Variants in SSPN observed in about 807,000 individuals in gnomAD.
SSPN encodes the protein K-ras oncogene-associated protein.
SSPN carries 15 observed loss-of-function variants against 19.1 expected under a neutral mutation model. The ratio of observed to expected loss-of-function variants is 0.78; its 90% CI spans 0.52 to 1.21. The LOEUF (loss-of-function observed/expected upper bound fraction) is 1.21. SSPN is among the 50% of genes most tolerant of loss of function. The probability of loss-of-function intolerance (pLI) is 0.00; values close to 1 mark genes in which losing one functional copy is unlikely to be tolerated. For synonymous variants in SSPN, 147 were observed against 140.3 expected (o/e 1.05, Z -0.34); for missense variants, 291 against 314.0 (o/e 0.93, Z 0.55).
chr12:26,216,237 A>G (rs1168572768), intron 1 of SSPN, among the ~76,000 whole-genome samples: 1 of 152,204 alleles, frequency 6.6e-6, no homozygotes, highest in Non-Finnish European at 1.5e-5. Context: ...CTGGGCTTAC[A>G]GCTTAGCCTA....
intron 1 of SSPN, among the ~76,000 whole-genome samples, chr12:26,210,749 G>A (rs1275331069): frequency 2.0e-5 from 3 of 152,126 alleles, no homozygotes; most frequent in Admixed American, 6.6e-5. Flanking sequence ...TATAAGGGAT[G>A]CTACGTTTTA....
chr12:26,130,019 G>C lies in SSPN; in HGVS notation c.-31+7867G>C, dbSNP rs78965280. 6.7e-3 allele frequency among the ~76,000 whole-genome samples: 1,022 copies of C among 152,238 alleles called. 11 individuals carry two copies. Among genetic ancestry groups the C allele is most frequent in the African/African-American group, 0.024 (984 of 41,538 alleles). ...CCCTTCTGCCCCTACGTATCTGCCTGGTCCCTCATGGTGCCCATGTGCTTC... is the reference window on the plus strand; with the variant it reads ...CCCTTCTGCCCCTACGTATCTGCCTCGTCCCTCATGGTGCCCATGTGCTTC... On this transcript the variant is annotated intron_variant, in intron 1 of 2. Coordinates refer to the SSPN transcript ENST00000538142.
rs1014677549 is a variant in SSPN, at chr12:26,195,594, G to C, written c.-79G>C. Reference sequence around the variant, plus strand: ...CTCCATAATTCGAATACCAGGGCAGGCCGAGCCAGCCGTGCGCCGCGCTCC... The same window carrying C: ...CTCCATAATTCGAATACCAGGGCAGCCCGAGCCAGCCGTGCGCCGCGCTCC... On this transcript the variant is annotated 5_prime_UTR_variant, in exon 1 of 3. Transcript: ENST00000242729. 215 of 1,336,492 alleles carry C rather than the reference G, an allele frequency of 1.6e-4. 1 individual carries two copies. The highest frequency in any genetic ancestry group is 4.2e-5 in the Admixed American group (1 of 24,076). 82.8% of individuals were successfully genotyped at this position (1,336,492 alleles called of 1,614,324 possible).
At chr12:26,224,916 G>A (rs1358582615) in intron 2 of SSPN, among the ~76,000 whole-genome samples, 1 of 152,016 alleles carries the variant, frequency 6.6e-6, no homozygotes, top group Admixed American at 6.6e-5. Context: ...TTTTCTGTTA[G>A]GGACAGTGCA....
intron 1 of SSPN, among the ~76,000 whole-genome samples, chr12:26,127,456 T>C (rs925899782): frequency 1.1e-4 from 17 of 152,158 alleles, no homozygotes; most frequent in African/African-American, 4.1e-4. Flanking sequence ...TCTCCCCCCA[T>C]CCTTTCTGCC....
rs1242548233 is a variant in SSPN at position 26,234,302 on chromosome 12, C to T, written c.*3226C>T. 6.6e-6 allele frequency: 1 copy of T among 152,198 alleles called. No individual in the cohort carries two copies. The highest frequency in any genetic ancestry group is 1.5e-5 in the Non-Finnish European group (1 of 68,038). 9.4% of individuals were successfully genotyped at this position (152,198 alleles called of 1,614,324 possible). On this transcript the variant is annotated 3_prime_UTR_variant, in exon 3 of 3. Transcript: ENST00000242729. ...TTAAAAGCTGCCCTGCAAAACCAATCCTTTCCTATCATGAAGAGTACCTTC... is the reference window on the plus strand; with the variant it reads ...TTAAAAGCTGCCCTGCAAAACCAATTCTTTCCTATCATGAAGAGTACCTTC...
intron 1 of SSPN, among the ~76,000 whole-genome samples, chr12:26,201,031 A>ATTATATATATATATATAATATATATATAT (rs1555179556): frequency 1.7e-5 from 1 of 60,512 alleles, no homozygotes; most frequent in South Asian, 6.2e-4. Context: ...ATATATATAT[A>ATTATATATATATATATAATATATATATAT]TATATATATA....
chr12:26,198,308 C>T (rs565853850), intron 1 of SSPN, among the ~76,000 whole-genome samples: 189 of 152,294 alleles, frequency 1.2e-3, no homozygotes, highest in Non-Finnish European at 1.9e-3. Context: ...GAATTACAGG[C>T]GTGCACCGCC....
Position 26,195,932 on chromosome 12 carries a change from C to A in SSPN, c.260C>A (p.Pro87Gln). 6.5e-7 allele frequency: 1 copy of A among 1,537,912 alleles called. No homozygotes were observed. The change falls in exon 1 of 3, where the codon CCA becomes CAA. Residue 87 changes from proline (P) to glutamine (Q), a missense_variant. This residue lies in a region of SSPN where 139 missense variants were observed against 119.6 expected (regional missense o/e 1.16). Coordinates refer to ENST00000242729, the MANE Select transcript of SSPN (RefSeq NM_005086.5). The stretch of plus-strand genomic sequence containing the variant: ...TCCTCCCTGCTAGTCAGGGACACTC[C>A]ATTTTGGGCTGGGATCATTGTAAGC... ...ISSSLLVRDTPFWAGIIVCLV... is the reference protein window; with the variant it reads ...ISSSLLVRDTQFWAGIIVCLV...
At chr12:26,122,519 G>A in intron 1 of SSPN, 2 of 1,289,656 alleles carry the variant, frequency 1.6e-6, no homozygotes, top group South Asian at 1.9e-5. Flanking sequence ...GCGCGCCTCC[G>A]CCTCCGCCGA....
chr12:26,206,527 A>G (rs1299694058), intron 1 of SSPN, among the ~76,000 whole-genome samples: 1 of 152,154 alleles, frequency 6.6e-6, no homozygotes, highest in Admixed American at 6.5e-5. Flanking sequence ...TTAATATAGA[A>G]TTATCTCTGC....
At position 26,133,951 on chromosome 12, in the gene SSPN, C is replaced by A. The variant is rs932182654; in HGVS notation, c.-31+11799C>A. Among the ~76,000 whole-genome samples, 4 of 152,296 alleles carry A rather than the reference C, an allele frequency of 2.6e-5. No individual in the cohort carries two copies. In the East Asian group the frequency reaches 7.7e-4, roughly 29 times the overall value. ...GTATCCACTGTGTATGCCTTCTATC[C>A]CCCTCCACCACACTGAATTCAATCA... On this transcript the variant is annotated intron_variant, in intron 1 of 2. Transcript: ENST00000538142.
intron 1 of SSPN, among the ~76,000 whole-genome samples, chr12:26,160,664 C>T (rs756562876): frequency 6.6e-6 from 1 of 152,208 alleles, no homozygotes; most frequent in Non-Finnish European, 1.5e-5. Context: ...TCATAGCCTG[C>T]TATCACCCTA....
At chr12:26,123,231 C>G in intron 1 of SSPN, 1 of 1,505,254 alleles carries the variant, frequency 6.6e-7, no homozygotes, top group Non-Finnish European at 8.9e-7. Flanking sequence ...AACATACCCA[C>G]GTTAAAACAT....
At chr12:26,124,550 G>A (rs1440971433) in intron 1 of SSPN, 1 of 1,613,872 alleles carries the variant, frequency 6.2e-7, no homozygotes, top group Non-Finnish European at 8.5e-7. Context: ...GCTCCTTTTG[G>A]GTTTACACAT....
chr12:26,171,246 G>T (rs1249371051), intron 1 of SSPN, among the ~76,000 whole-genome samples: 1 of 152,188 alleles, frequency 6.6e-6, no homozygotes, highest in African/African-American at 2.4e-5. Flanking sequence ...ATAAATGTGT[G>T]TGTGTATACA....
chr12:26,193,872 A>C (rs1944803972), upstream of SSPN, among the ~76,000 whole-genome samples: 1 of 152,220 alleles, frequency 6.6e-6, no homozygotes, highest in Non-Finnish European at 1.5e-5. Context: ...GAGAACACCT[A>C]AGTTCATAAA....
At chr12:26,141,986 C>T (rs1007699927) in intron 1 of SSPN, among the ~76,000 whole-genome samples, 12 of 152,102 alleles carry the variant, frequency 7.9e-5, no homozygotes, top group African/African-American at 2.7e-4. Flanking sequence ...CTATTGGGCA[C>T]AACCTTGAAG....
chr12:26,220,543 A>C (rs1945109240), intron 1 of SSPN, among the ~76,000 whole-genome samples: 1 of 152,196 alleles, frequency 6.6e-6, no homozygotes, highest in Admixed American at 6.5e-5. Flanking sequence ...AACTAACATA[A>C]CTGGGCCCTT....
Sources: allele counts gnomAD v4.1 joint callset (sites outside exome capture counted in the v4.1 genomes callset), GRCh38; gene constraint gnomAD v4.1.1; regional missense constraint gnomAD v4.1.1; transcripts MANE v1.5; gene names NCBI Gene and HGNC (gene_info 2026-07-23, HGNC 2026-07-21).